LMBR1: variants seen among roughly 807,000 people sequenced by gnomAD.
LMBR1 encodes limb region 1 protein homolog.
A neutral mutation model predicts 73.9 loss-of-function variants in LMBR1; 52 were observed. The ratio of observed to expected loss-of-function variants is 0.70; its 90% CI spans 0.56 to 0.89. LMBR1 has a LOEUF of 0.89. Among genes scored for constraint, LMBR1 ranks in the 40% least tolerant of loss-of-function variants. The pLI is 0.00. For synonymous variants in LMBR1, 215 were observed against 209.4 expected, an observed-to-expected ratio of 1.03 and a Z score of -0.23; for missense variants, 539 against 579.8, an observed-to-expected ratio of 0.93 and a Z score of 0.72.
At position 156,801,327 on chromosome 7, in the gene LMBR1, T is replaced by A. The variant is rs192035167; in HGVS notation, c.320-4835A>T. 5.3e-4 allele frequency among the ~76,000 whole-genome samples: 81 copies of A among 152,334 alleles called. 1 individual carries two copies. Among genetic ancestry groups the A allele is most frequent in the African/African-American group, 1.9e-3 (77 of 41,586 alleles). On this transcript the variant is annotated intron_variant, in intron 4 of 16. Transcript: ENST00000353442. ...AGCTCACTAAAGGCTCAGATAATTGTTACCATTTTTTAGCAATAAAGGCAT... is the reference window on the plus strand; with the variant it reads ...AGCTCACTAAAGGCTCAGATAATTGATACCATTTTTTAGCAATAAAGGCAT...
intron 15 of LMBR1, among the ~76,000 whole-genome samples, chr7:156,722,894 GTGAATGAGT>G (rs1336506199): frequency 6.6e-6 from 1 of 152,076 alleles, no homozygotes. Flanking sequence ...TAATAGTACA[GTGAATGAGT>G]TTCCTAAGTA....
intron 1 of LMBR1, among the ~76,000 whole-genome samples, chr7:156,854,550 T>C (rs1009998050): frequency 3.9e-5 from 6 of 152,250 alleles, no homozygotes. Context: ...AAGGCCCGTC[T>C]GCAAGAGAAA....
chr7:156,849,814 C>A (rs893714723), intron 1 of LMBR1, among the ~76,000 whole-genome samples: 1 of 152,094 alleles, frequency 6.6e-6, no homozygotes, highest in African/African-American at 2.4e-5. Context: ...AGAGTGAACA[C>A]TAATGTAAAC....
chr7:156,724,311 C>A, intron 14 of LMBR1, 133 bp from the exon 15 acceptor site: 1 of 610,740 alleles, frequency 1.6e-6, no homozygotes, highest in Non-Finnish European at 2.9e-6. Flanking sequence ...TGATACTATT[C>A]AGTACAGAAT....
chr7:156,776,054 T>TTA (rs1240556479), intron 5 of LMBR1, among the ~76,000 whole-genome samples: 4 of 148,578 alleles, frequency 2.7e-5, no homozygotes, highest in Admixed American at 6.7e-5. Flanking sequence ...TATATATGAG[T>TTA]TATATATATT....
chr7:156,887,323 T>C (rs1449199353), intron 1 of LMBR1, among the ~76,000 whole-genome samples: 2 of 151,806 alleles, frequency 1.3e-5, no homozygotes, highest in African/African-American at 4.8e-5. Context: ...ATTAGCTGGG[T>C]GTGGTGACGC....
chr7:156,698,799 T>C (rs1248327946), intron 15 of LMBR1, among the ~76,000 whole-genome samples: 1 of 152,162 alleles, frequency 6.6e-6, no homozygotes, highest in Non-Finnish European at 1.5e-5. Context: ...GGAGACACTT[T>C]CCCCATTATC....
At chr7:156,738,842 C>A (rs1818380085) in intron 9 of LMBR1, among the ~76,000 whole-genome samples, 1 of 152,110 alleles carries the variant, frequency 6.6e-6, no homozygotes, top group African/African-American at 2.4e-5. Flanking sequence ...TGCCATGGGC[C>A]TTGCTTGGGA....
chr7:156,700,434 C>T (rs1227203269), intron 15 of LMBR1, among the ~76,000 whole-genome samples: 1 of 152,000 alleles, frequency 6.6e-6, no homozygotes, highest in African/African-American at 2.4e-5. Context: ...AGGAGATATA[C>T]CTAATGCTAA....
In LMBR1 at chr7:156,893,019, G is replaced by A; in HGVS notation, c.-26C>T. 3 of 1,482,718 alleles carry A rather than the reference G, an allele frequency of 2.0e-6. No individual in the cohort carries two copies. Among genetic ancestry groups the A allele is most frequent in the Admixed American group, 2.2e-5 (1 of 45,056 alleles). The allele number at this position is 1,482,718 out of a possible 1,614,324, so 91.8% of individuals were successfully genotyped here. A position where few individuals can be genotyped will look rare whatever the true frequency, so the allele number is the denominator to read the frequency against. On this transcript the variant is annotated 5_prime_UTR_variant, in exon 1 of 17. Coordinates refer to ENST00000353442, the MANE Select transcript of LMBR1 (RefSeq NM_022458.4). ...CCTCCTTCATGCCCGCCGCCGCGCC[G>A]CCCGCGTCCGCGTGCTCCGCCACAC...
chr7:156,786,619 A>G (rs1828157499), intron 5 of LMBR1, among the ~76,000 whole-genome samples: 1 of 152,202 alleles, frequency 6.6e-6, no homozygotes, highest in Non-Finnish European at 1.5e-5. Context: ...TGAAGAGTGA[A>G]ACCAACTATC....
intron 1 of LMBR1, among the ~76,000 whole-genome samples, chr7:156,869,073 C>A (rs1157069755): frequency 6.6e-6 from 1 of 152,076 alleles, no homozygotes; most frequent in Admixed American, 6.6e-5. Flanking sequence ...ATTTTCTTTA[C>A]GTGGTGTTCT....
At chr7:156,868,288 G>T (rs1456825194) in intron 1 of LMBR1, among the ~76,000 whole-genome samples, 2 of 151,484 alleles carry the variant, frequency 1.3e-5, no homozygotes, top group Non-Finnish European at 1.5e-5. Context: ...CCACCTCCCG[G>T]GTTCAAGTAA....
intron 10 of LMBR1, among the ~76,000 whole-genome samples, chr7:156,731,220 G>A: frequency 6.6e-6 from 1 of 152,088 alleles, no homozygotes; most frequent in East Asian, 1.9e-4. Flanking sequence ...GACAGACCAG[G>A]AGAAAATATC....
At chr7:156,858,716 AC>A (rs1441472318) in intron 1 of LMBR1, among the ~76,000 whole-genome samples, 1 of 152,184 alleles carries the variant, frequency 6.6e-6, no homozygotes, top group South Asian at 2.1e-4. Context: ...ATATACCACA[AC>A]CAAGTGGGAA....
intron 15 of LMBR1, among the ~76,000 whole-genome samples, chr7:156,704,602 GAA>G (rs34052800): frequency 1.4e-5 from 2 of 144,440 alleles, no homozygotes; most frequent in African/African-American, 5.1e-5. Context: ...GATCCTAACT[GAA>G]AAAAAAAAAC....
chr7:156,725,750 TAAAG>T lies in LMBR1; in HGVS notation c.1067+10_1067+13del, dbSNP rs1175375189. The T allele has an allele frequency of 3.1e-6, 5 of 1,610,340 alleles. No individual in the cohort carries two copies. Among genetic ancestry groups the T allele is most frequent in the Non-Finnish European group, 4.2e-6 (5 of 1,178,092 alleles). On this transcript the variant is annotated intron_variant, in intron 13 of 16. Coordinates refer to ENST00000353442, the MANE Select transcript of LMBR1 (RefSeq NM_022458.4). ...TTTGTGGATAGGCTGAACGTTCAGT[TAAAG>T]AAAGGATACAAAATCAAAATGATTT...
intron 1 of LMBR1, among the ~76,000 whole-genome samples, chr7:156,878,843 G>C (rs1478466597): frequency 6.6e-6 from 1 of 152,158 alleles, no homozygotes; most frequent in East Asian, 1.9e-4. Flanking sequence ...CATGGTACTA[G>C]TATAAAAATA....
At chr7:156,881,479 T>C (rs980467723) in intron 1 of LMBR1, among the ~76,000 whole-genome samples, 19 of 152,092 alleles carry the variant, frequency 1.2e-4, no homozygotes, top group African/African-American at 4.6e-4. Context: ...AACAAAAATA[T>C]GTAAGTGGGA....
Sources: allele counts gnomAD v4.1 joint callset (sites outside exome capture counted in the v4.1 genomes callset), GRCh38; gene constraint gnomAD v4.1.1; transcripts MANE v1.5; gene names NCBI Gene and HGNC (gene_info 2026-07-23, HGNC 2026-07-21).